The following METTL24 variants were observed in gnomAD, a reference collection of about 807,000 sequenced individuals.
METTL24 encodes the protein methyltransferase like 24, also known as probable methyltransferase-like protein 24.
A neutral mutation model predicts 32.7 loss-of-function variants in METTL24; 29 were observed. That is an observed-to-expected ratio of 0.89 (90% CI 0.66 to 1.21). METTL24 has a LOEUF of 1.21. Ranked by LOEUF, METTL24 falls within the 50% of genes most tolerant of loss-of-function variation. METTL24 has a pLI of 0.00. For synonymous variants in METTL24, 163 were observed against 179.5 expected (o/e 0.91, Z 0.73); for missense variants, 439 against 468.1 (o/e 0.94, Z 0.57).
chr6:110,302,138 C>A (rs1207322077), intron 3 of METTL24, among the ~76,000 whole-genome samples: 3 of 151,698 alleles, frequency 2.0e-5, no homozygotes, highest in Admixed American at 6.6e-5. Context: ...ATTAGCCAGG[C>A]GTGGTGGTGG....
At chr6:110,333,959 A>G (rs17071456) in intron 1 of METTL24, among the ~76,000 whole-genome samples, 2,677 of 152,032 alleles carry the variant, frequency 0.018, 76 homozygotes, top group African/African-American at 0.062. Flanking sequence ...TCTGTATTTC[A>G]TCATTTTTAA....
chr6:110,312,391 GC>G (rs1456643980), intron 3 of METTL24, among the ~76,000 whole-genome samples: 1 of 152,180 alleles, frequency 6.6e-6, no homozygotes, highest in Non-Finnish European at 1.5e-5. Flanking sequence ...TCAAAGGGAT[GC>G]CTGCATCCCC....
intron 3 of METTL24, among the ~76,000 whole-genome samples, chr6:110,308,849 A>C (rs1265148777): frequency 6.6e-6 from 1 of 152,212 alleles, no homozygotes; most frequent in Non-Finnish European, 1.5e-5. Context: ...GCCAGTCACA[A>C]AACGCCACAT....
At chr6:110,307,962 T>C (rs1432815299) in intron 3 of METTL24, among the ~76,000 whole-genome samples, 2 of 152,210 alleles carry the variant, frequency 1.3e-5, no homozygotes, top group East Asian at 1.9e-4. Flanking sequence ...AGAAGGACCA[T>C]TAAATCTGAG....
At chr6:110,270,553 T>C (rs1348292351) in intron 4 of METTL24, among the ~76,000 whole-genome samples, 1 of 152,170 alleles carries the variant, frequency 6.6e-6, no homozygotes, top group African/African-American at 2.4e-5. Flanking sequence ...GCAGACATTT[T>C]TCAGGCGCCA....
At chr6:110,312,772 C>T (rs1771747118) in intron 3 of METTL24, among the ~76,000 whole-genome samples, 1 of 152,158 alleles carries the variant, frequency 6.6e-6, no homozygotes, top group Admixed American at 6.5e-5. Context: ...GTTACCGGTG[C>T]AGGGGTGTCC....
intron 4 of METTL24, among the ~76,000 whole-genome samples, chr6:110,267,723 G>T (rs988982448): frequency 6.6e-6 from 1 of 152,116 alleles, no homozygotes; most frequent in Non-Finnish European, 1.5e-5. Context: ...AATTTATAAA[G>T]AAAAGAGGTT....
chr6:110,314,005 AAT>A lies in METTL24; in HGVS notation c.557+1335_557+1336del, dbSNP rs576341180. Among the ~76,000 whole-genome samples, 251 of 152,208 alleles carry A rather than the reference AAT, an allele frequency of 1.6e-3. 2 individuals are homozygous for A. Among genetic ancestry groups the A allele is most frequent in the African/African-American group, 5.0e-3 (206 of 41,524 alleles). ...AAGAATAAAATCCACAATGACCGGT[AAT>A]TCTTGTTTGTTATAGTTTGACAGTG... is the stretch of plus-strand genomic sequence containing the variant. On this transcript the variant is annotated intron_variant, in intron 3 of 4. Transcript: ENST00000338882.
intron 3 of METTL24, among the ~76,000 whole-genome samples, chr6:110,310,623 T>G (rs1771705605): frequency 6.6e-6 from 1 of 152,206 alleles, no homozygotes; most frequent in Non-Finnish European, 1.5e-5. Flanking sequence ...GTCTACCTCA[T>G]TTCAAAACTG....
intron 3 of METTL24, among the ~76,000 whole-genome samples, chr6:110,301,656 C>T (rs938619585): frequency 6.6e-6 from 1 of 152,156 alleles, no homozygotes; most frequent in African/African-American, 2.4e-5. Context: ...TCAACTGAAG[C>T]CCAGCTGACC....
intron 1 of METTL24, among the ~76,000 whole-genome samples, chr6:110,343,337 C>T (rs995121046): frequency 6.6e-6 from 1 of 152,192 alleles, no homozygotes; most frequent in Non-Finnish European, 1.5e-5. Flanking sequence ...CAGCACTGGG[C>T]CTAAGTTGGC....
intron 2 of METTL24, among the ~76,000 whole-genome samples, chr6:110,315,806 T>G (rs1283908395): frequency 6.6e-6 from 1 of 152,104 alleles, no homozygotes; most frequent in East Asian, 1.9e-4. Flanking sequence ...AGGAAGCCTT[T>G]GTAGAGGGGT....
At chr6:110,246,862 G>A (rs1338970514) in intron 4 of METTL24, among the ~76,000 whole-genome samples, 1 of 151,360 alleles carries the variant, frequency 6.6e-6, no homozygotes, top group Non-Finnish European at 1.5e-5. Context: ...CAATGAAAAA[G>A]TTATTGAGTA....
At chr6:110,325,551 C>T (rs968557233) in intron 1 of METTL24, among the ~76,000 whole-genome samples, 10 of 152,306 alleles carry the variant, frequency 6.6e-5, no homozygotes, top group African/African-American at 2.4e-4. Flanking sequence ...GCAAGGGAGA[C>T]AGACTATGAT....
intron 4 of METTL24, among the ~76,000 whole-genome samples, chr6:110,280,403 C>T (rs755495952): frequency 3.9e-5 from 6 of 152,098 alleles, no homozygotes; most frequent in Non-Finnish European, 8.8e-5. Context: ...GGTATTCAAT[C>T]GCATGGGTTT....
chr6:110,344,725 C>T (rs1772435148), intron 1 of METTL24, among the ~76,000 whole-genome samples: 1 of 152,080 alleles, frequency 6.6e-6, no homozygotes, highest in Non-Finnish European at 1.5e-5. Flanking sequence ...ACTGGCTAGC[C>T]ATATACAGAA....
At chr6:110,289,199 A>C (rs2114723712) in intron 4 of METTL24, among the ~76,000 whole-genome samples, 1 of 152,352 alleles carries the variant, frequency 6.6e-6, no homozygotes, top group South Asian at 2.1e-4. Context: ...TACACCAGTA[A>C]ACCAAAATTC....
Position 110,358,343 on chromosome 6 carries a change from G to T in METTL24, c.-71C>A. The T allele has an allele frequency of 8.5e-7, 1 of 1,175,680 alleles. No homozygotes were observed. The highest frequency in any genetic ancestry group is 1.1e-6 in the Non-Finnish European group (1 of 904,424). The allele number at this position is 1,175,680 out of a possible 1,614,324, so 72.8% of individuals were successfully genotyped here. A position where few individuals can be genotyped will look rare whatever the true frequency, so the allele number is the denominator to read the frequency against. Reference sequence around the variant, plus strand: ...GGATGTAGCCCCACAGGCCGGAGCGGCCAACTGTGGGAACTCCCCCGCGGG... The same window carrying T: ...GGATGTAGCCCCACAGGCCGGAGCGTCCAACTGTGGGAACTCCCCCGCGGG... On this transcript the variant is annotated 5_prime_UTR_variant, in exon 1 of 5. Transcript: ENST00000338882.
At position 110,286,285 on chromosome 6, in the gene METTL24, C is replaced by G. The variant is rs145190901; in HGVS notation, c.786+12637G>C. On this transcript the variant is annotated intron_variant, in intron 4 of 4. Transcript: ENST00000338882. ...GAAGGCTGAGCCATTTAAGTCCTTT[C>G]TACGCACAGAGGTTCCTCAAAGGGA... 1.7e-3 allele frequency among the ~76,000 whole-genome samples: 254 copies of G among 152,264 alleles called. 2 individuals carry two copies. Among genetic ancestry groups the G allele is most frequent in the African/African-American group, 5.0e-3 (209 of 41,552 alleles).
Sources: allele counts gnomAD v4.1 joint callset (sites outside exome capture counted in the v4.1 genomes callset), GRCh38; gene constraint gnomAD v4.1.1; transcripts MANE v1.5; gene names NCBI Gene and HGNC (gene_info 2026-07-23, HGNC 2026-07-21).